Variants in CCDC192 observed in about 807,000 individuals in gnomAD.
The protein encoded by CCDC192 is coiled-coil domain containing 192.
intron 1 of CCDC192, among the ~76,000 whole-genome samples, 178 bp from the exon 2 acceptor site, chr5:127,707,531 C>G (rs982984694): frequency 6.6e-6 from 1 of 151,936 alleles, no homozygotes; most frequent in Non-Finnish European, 1.5e-5. Flanking sequence ...AGTTTACATT[C>G]CATTATTTTT....
intron 2 of CCDC192, among the ~76,000 whole-genome samples, chr5:127,713,502 G>C (rs248735): frequency 0.38 from 58,277 of 151,934 alleles, 11,737 homozygotes; most frequent in East Asian, 0.65. Context: ...TCTCCTGTCT[G>C]TACCTGGTCT....
At chr5:127,776,251 C>T (rs1256032646) in intron 3 of CCDC192, among the ~76,000 whole-genome samples, 4 of 149,814 alleles carry the variant, frequency 2.7e-5, no homozygotes, top group African/African-American at 5.1e-5. Context: ...AGATGAGAAA[C>T]TTGCTGGGAA....
At chr5:127,933,074 G>A (rs1171560949) in intron 6 of CCDC192, among the ~76,000 whole-genome samples, 3 of 152,178 alleles carry the variant, frequency 2.0e-5, no homozygotes, top group Admixed American at 6.5e-5. Flanking sequence ...GAACATGCCA[G>A]GCCTGGTAGA....
At chr5:127,756,516 G>C (rs543158544) in intron 3 of CCDC192, among the ~76,000 whole-genome samples, 1 of 152,210 alleles carries the variant, frequency 6.6e-6, no homozygotes, top group Non-Finnish European at 1.5e-5. Context: ...GGTTGGGGCA[G>C]ATTACCATCT....
At chr5:127,814,258 G>C (rs1758237472) in intron 5 of CCDC192, among the ~76,000 whole-genome samples, 1 of 152,172 alleles carries the variant, frequency 6.6e-6, no homozygotes, top group Non-Finnish European at 1.5e-5. Context: ...CAGAATAGGA[G>C]GCGTTATTCT....
rs559749039 is a variant in CCDC192 at position 127,939,492 on chromosome 5, G to A, written c.536-1690G>A. Among the ~76,000 whole-genome samples, 225 of 152,072 alleles carry A rather than the reference G, an allele frequency of 1.5e-3. 2 individuals carry two copies. The highest frequency in any genetic ancestry group is 2.4e-3 in the Admixed American group (37 of 15,260). On this transcript the variant is annotated intron_variant, in intron 6 of 6. Coordinates refer to ENST00000514853, the MANE Select transcript of CCDC192 (RefSeq NM_001317938.2). ...AATTCAGAGCAAAAATTTCCCCATG[G>A]ATTCTTAAATGTTAGTAAAGAGCTA...
chr5:127,908,230 G>C (rs2127173813), intron 6 of CCDC192, among the ~76,000 whole-genome samples: 1 of 152,138 alleles, frequency 6.6e-6, no homozygotes, highest in South Asian at 2.1e-4. Flanking sequence ...TTTTGGAGGG[G>C]GAAATGCTCA....
At chr5:127,920,409 T>C (rs1753676698) in intron 6 of CCDC192, among the ~76,000 whole-genome samples, 1 of 145,560 alleles carries the variant, frequency 6.9e-6, no homozygotes, top group Admixed American at 6.8e-5. Flanking sequence ...TGAAGAGGCT[T>C]TTTTTTTTTT....
chr5:127,898,270 G>A (rs1752949016), intron 6 of CCDC192, among the ~76,000 whole-genome samples: 1 of 152,024 alleles, frequency 6.6e-6, no homozygotes, highest in Non-Finnish European at 1.5e-5. Flanking sequence ...CAACACGCAT[G>A]GCTAATTTCT....
intron 2 of CCDC192, among the ~76,000 whole-genome samples, chr5:127,711,390 T>A (rs1401308522): frequency 6.6e-6 from 1 of 152,152 alleles, no homozygotes; most frequent in Admixed American, 6.5e-5. Flanking sequence ...ATTTGTAAGA[T>A]CAAATAATAG....
intron 5 of CCDC192, among the ~76,000 whole-genome samples, chr5:127,843,721 A>G (rs1750401173): frequency 6.6e-6 from 1 of 152,168 alleles, no homozygotes; most frequent in South Asian, 2.1e-4. Flanking sequence ...TATAGGCATG[A>G]GCCACCTCGC....
intron 2 of CCDC192, among the ~76,000 whole-genome samples, chr5:127,751,848 G>C (rs936259917): frequency 6.6e-6 from 1 of 151,822 alleles, no homozygotes; most frequent in Non-Finnish European, 1.5e-5. Context: ...TTTCCTTCTC[G>C]CTTCATTTCA....
intron 6 of CCDC192, among the ~76,000 whole-genome samples, chr5:127,899,359 T>C (rs1752979729): frequency 6.6e-6 from 1 of 152,114 alleles, no homozygotes; most frequent in Non-Finnish European, 1.5e-5. Flanking sequence ...TCTGAGGCTG[T>C]TGACCAAGCT....
intron 2 of CCDC192, among the ~76,000 whole-genome samples, chr5:127,750,165 G>A (rs893093125): frequency 3.3e-5 from 5 of 152,140 alleles, no homozygotes; most frequent in African/African-American, 1.2e-4. Flanking sequence ...GCTTTTGAAT[G>A]TGTTTGCTCT....
chr5:127,766,977 C>G (rs1200369065), intron 3 of CCDC192, among the ~76,000 whole-genome samples: 1 of 152,118 alleles, frequency 6.6e-6, no homozygotes, highest in East Asian at 1.9e-4. Flanking sequence ...CCTGAAGTTG[C>G]CTAATTTTTG....
At chr5:127,863,023 C>T (rs1174817144) in intron 5 of CCDC192, among the ~76,000 whole-genome samples, 1 of 151,574 alleles carries the variant, frequency 6.6e-6, no homozygotes, top group East Asian at 1.9e-4. Context: ...ACTACCAGAA[C>T]CATATAATAA....
chr5:127,774,174 T>C (rs898360376), intron 3 of CCDC192, among the ~76,000 whole-genome samples: 5 of 152,196 alleles, frequency 3.3e-5, no homozygotes, highest in African/African-American at 1.2e-4. Context: ...CTTTATCATA[T>C]ATGATTTGCA....
At chr5:127,816,854 A>G (rs1749048191) in intron 5 of CCDC192, among the ~76,000 whole-genome samples, 1 of 152,248 alleles carries the variant, frequency 6.6e-6, no homozygotes, top group Non-Finnish European at 1.5e-5. Context: ...CTATAGTTCC[A>G]TCACACCCAG....
intron 3 of CCDC192, among the ~76,000 whole-genome samples, chr5:127,780,740 T>C (rs781721354): frequency 2.6e-4 from 40 of 152,220 alleles, no homozygotes; most frequent in Non-Finnish European, 4.4e-4. Flanking sequence ...GTCAGATGTA[T>C]AGATTGTGAA....
Sources: gnomAD v4.1 joint callset for allele counts (sites outside exome capture counted in the v4.1 genomes callset) on GRCh38, gnomAD v4.1.1 for gene constraint, MANE v1.5 for transcripts, NCBI Gene and HGNC (gene_info 2026-07-23, HGNC 2026-07-21) for gene names.